The following CDH4 variants were observed in gnomAD, a reference collection of about 807,000 sequenced individuals.
The protein encoded by CDH4 is cadherin-4.
In CDH4, 33 loss-of-function variants were observed where a neutral mutation model predicts 86.0. That is an observed-to-expected ratio of 0.38 (90% confidence interval 0.29 to 0.51). The LOEUF is 0.51. Ranked by LOEUF, CDH4 falls within the 20% of genes least tolerant of loss-of-function variation. CDH4 has a pLI of 0.86. For missense variants in CDH4, 1,114 were observed against 1,307.4 expected, an observed-to-expected ratio of 0.85 and a Z score of 2.28; for synonymous variants, 555 against 549.4, an observed-to-expected ratio of 1.01 and a Z score of -0.14.
chr20:61,703,896 C>A lies in CDH4; in HGVS notation c.170-39667C>A, dbSNP rs775557719. On this transcript the variant is annotated intron_variant, in intron 2 of 15. Transcript: ENST00000614565. This position sits in a 1 kb window ranked among gnomAD's most constrained non-coding sequence, Gnocchi z 4.3. ...ATATTAATTGTGACCTTTCAGAACT[C>A]CCAATTAAATTTTTCCAATAAAATG... Among the ~76,000 whole-genome samples the A allele has an allele frequency of 2.6e-5, 4 of 152,164 alleles. No individual in the cohort carries two copies. Among genetic ancestry groups the A allele is most frequent in the Non-Finnish European group, 5.9e-5 (4 of 68,036 alleles).
intron 4 of CDH4, among the ~76,000 whole-genome samples, chr20:61,773,625 C>T (rs903520636): frequency 2.6e-5 from 4 of 152,198 alleles, no homozygotes; most frequent in Admixed American, 6.5e-5. Flanking sequence ...CCCCGAGCTC[C>T]CAAGGCCACC....
chr20:61,764,680 G>A (rs1250796814), intron 3 of CDH4, among the ~76,000 whole-genome samples: 1 of 152,208 alleles, frequency 6.6e-6, no homozygotes, highest in African/African-American at 2.4e-5. Context: ...ATCAGTGGCA[G>A]TTTTGCAGCA....
intron 2 of CDH4, among the ~76,000 whole-genome samples, chr20:61,410,049 C>T (rs1345368858): frequency 2.0e-5 from 3 of 152,224 alleles, no homozygotes; most frequent in African/African-American, 7.2e-5. Flanking sequence ...GGATCTGAAC[C>T]AACCAGTCTG....
At chr20:61,910,254 G>A (rs949498656) in intron 8 of CDH4, among the ~76,000 whole-genome samples, 168 bp from the exon 9 acceptor site, 10 of 149,736 alleles carry the variant, frequency 6.7e-5, no homozygotes, top group East Asian at 1.9e-4. Context: ...GTGAACACTC[G>A]TTGAGCTGGG....
chr20:61,350,940 A>G (rs1042070501), intron 2 of CDH4, among the ~76,000 whole-genome samples: 10 of 152,156 alleles, frequency 6.6e-5, no homozygotes, highest in Middle Eastern at 3.2e-3. Flanking sequence ...TACAGAGACC[A>G]TCGCTCTAGG....
At chr20:61,560,220 A>G (rs1255626683) in intron 2 of CDH4, among the ~76,000 whole-genome samples, 1 of 152,098 alleles carries the variant, frequency 6.6e-6, no homozygotes, top group Non-Finnish European at 1.5e-5. Flanking sequence ...CCCCACTTTT[A>G]TCAAGGCCCG....
intron 2 of CDH4, among the ~76,000 whole-genome samples, chr20:61,694,838 G>T (rs959664792): frequency 3.3e-5 from 5 of 152,220 alleles, no homozygotes; most frequent in African/African-American, 1.2e-4. Flanking sequence ...CTGCTCTGCC[G>T]AGCGCTGGCG....
intron 2 of CDH4, among the ~76,000 whole-genome samples, chr20:61,521,809 G>A (rs79315331): frequency 0.04 from 6,030 of 152,276 alleles, 385 homozygotes; most frequent in African/African-American, 0.14. Flanking sequence ...ACCCAGGTTT[G>A]GTGATCGGCC....
intron 2 of CDH4, among the ~76,000 whole-genome samples, chr20:61,271,284 C>T (rs866483954): frequency 1.4e-4 from 21 of 152,194 alleles, no homozygotes; most frequent in Non-Finnish European, 2.6e-4. Flanking sequence ...GGTTCTGCGA[C>T]GAGAGCAAAT....
intron 2 of CDH4, among the ~76,000 whole-genome samples, chr20:61,568,978 G>A (rs921227746): frequency 1.4e-5 from 2 of 144,778 alleles, no homozygotes; most frequent in Admixed American, 6.8e-5. Flanking sequence ...CTCAACAGAT[G>A]AAAGCCCAAA....
intron 2 of CDH4, among the ~76,000 whole-genome samples, chr20:61,546,381 A>G (rs945656257): frequency 6.7e-6 from 1 of 148,334 alleles, no homozygotes; most frequent in Non-Finnish European, 1.5e-5. Flanking sequence ...GGGGTGAGGT[A>G]TGTGTGCACA....
chr20:61,256,089 C>T (rs1190032278), intron 2 of CDH4, among the ~76,000 whole-genome samples: 1 of 152,194 alleles, frequency 6.6e-6, no homozygotes, highest in Non-Finnish European at 1.5e-5. Context: ...AAGAGCTACT[C>T]TGTTAATTGC....
intron 2 of CDH4, among the ~76,000 whole-genome samples, chr20:61,734,786 T>A (rs1483775229): frequency 6.6e-6 from 1 of 151,906 alleles, no homozygotes; most frequent in African/African-American, 2.4e-5. Flanking sequence ...TACCGCCAGT[T>A]TTCTCCGTCC....
intron 2 of CDH4, among the ~76,000 whole-genome samples, chr20:61,571,305 C>G (rs2086339886): frequency 6.6e-6 from 1 of 152,188 alleles, no homozygotes; most frequent in Non-Finnish European, 1.5e-5. Context: ...TCCTCAGGCA[C>G]ACTCAGGTGC....
At chr20:61,362,697 G>C (rs1307654594) in intron 2 of CDH4, among the ~76,000 whole-genome samples, 2 of 152,106 alleles carry the variant, frequency 1.3e-5, no homozygotes, top group Non-Finnish European at 2.9e-5. Flanking sequence ...GATGACCTCC[G>C]GGGCCATCAG....
At chr20:61,307,141 G>A (rs2084421708) in intron 2 of CDH4, among the ~76,000 whole-genome samples, 1 of 152,324 alleles carries the variant, frequency 6.6e-6, no homozygotes, top group South Asian at 2.1e-4. Flanking sequence ...TCCTTTCATG[G>A]GAGCTGTATG....
chr20:61,454,900 A>G (rs1243042417), intron 2 of CDH4, among the ~76,000 whole-genome samples: 1 of 152,194 alleles, frequency 6.6e-6, no homozygotes, highest in Non-Finnish European at 1.5e-5. Context: ...TGACCAGGGT[A>G]GGAAGCATGG....
At chr20:61,729,644 G>A (rs976138098) in intron 2 of CDH4, among the ~76,000 whole-genome samples, 6 of 152,204 alleles carry the variant, frequency 3.9e-5, no homozygotes, top group Non-Finnish European at 5.9e-5. Flanking sequence ...CAACAAAGAC[G>A]TGGAGACGAT....
At chr20:61,900,308 A>G (rs1985331787) in intron 8 of CDH4, among the ~76,000 whole-genome samples, 2 of 151,566 alleles carry the variant, frequency 1.3e-5, no homozygotes, top group African/African-American at 2.4e-5. Flanking sequence ...AGTGCCCTTA[A>G]TTACGCTTGG....
Sources: gnomAD v4.1 joint callset for allele counts (sites outside exome capture counted in the v4.1 genomes callset) on GRCh38, gnomAD v4.1.1 for gene constraint, Gnocchi (gnomAD v3.1) non-coding constraint, MANE v1.5 for transcripts, NCBI Gene and HGNC (gene_info 2026-07-23, HGNC 2026-07-21) for gene names.